The following RELN variants were observed in gnomAD, a reference collection of about 807,000 sequenced individuals.
The protein encoded by RELN is reelin.
In RELN, 108 loss-of-function variants were observed where a neutral mutation model predicts 427.6. The observed-to-expected ratio is 0.25, with a 90% CI of 0.22 to 0.30. The LOEUF (loss-of-function observed/expected upper bound fraction) is 0.30, where lower values mean the gene tolerates loss of function less well. RELN is among the 10% of genes least tolerant of loss of function. The pLI is 1.00. For synonymous variants in RELN, 1,524 were observed against 1,513.4 expected (o/e 1.01, Z -0.16); for missense variants, 3,715 against 4,302.8 (o/e 0.86, Z 3.82).
chr7:103,510,233 C>G (rs186499932), intron 51 of RELN, among the ~76,000 whole-genome samples: 2 of 152,296 alleles, frequency 1.3e-5, no homozygotes, highest in East Asian at 3.9e-4. Context: ...AGACTTGGAA[C>G]CAACCAAATG....
At chr7:103,591,870 A>C (rs771561734) in intron 27 of RELN, among the ~76,000 whole-genome samples, 6 of 152,180 alleles carry the variant, frequency 3.9e-5, no homozygotes, top group Non-Finnish European at 7.3e-5. Flanking sequence ...TACCTTCAAC[A>C]AATATTTATT....
chr7:103,845,016 C>G (rs1407649426), intron 2 of RELN, among the ~76,000 whole-genome samples: 1 of 152,152 alleles, frequency 6.6e-6, no homozygotes, highest in East Asian at 1.9e-4. Context: ...GAAACAGGAT[C>G]TGATTATTTT....
intron 2 of RELN, among the ~76,000 whole-genome samples, chr7:103,900,147 A>G (rs1258822970): frequency 6.6e-6 from 1 of 152,114 alleles, no homozygotes; most frequent in African/African-American, 2.4e-5. Context: ...ATTTCTATAA[A>G]CCAATAACAC....
chr7:103,672,462 C>T (rs1445494746), intron 11 of RELN, among the ~76,000 whole-genome samples: 1 of 152,134 alleles, frequency 6.6e-6, no homozygotes, highest in African/African-American at 2.4e-5. Flanking sequence ...TGAAAAATTA[C>T]TGTTTTTATT....
intron 28 of RELN, among the ~76,000 whole-genome samples, chr7:103,582,729 A>T (rs1831181653): frequency 1.3e-5 from 2 of 152,204 alleles, no homozygotes; most frequent in African/African-American, 4.8e-5. Context: ...GTGATAAATT[A>T]GGTGAAAGAT....
chr7:103,768,243 C>A (rs1399563675), intron 4 of RELN, among the ~76,000 whole-genome samples: 1 of 152,068 alleles, frequency 6.6e-6, no homozygotes, highest in African/African-American at 2.4e-5. Flanking sequence ...GTATACAGCC[C>A]AGCCAACCCC....
intron 3 of RELN, among the ~76,000 whole-genome samples, chr7:103,811,479 G>T (rs1390644111): frequency 2.6e-5 from 4 of 152,132 alleles, no homozygotes; most frequent in Non-Finnish European, 2.9e-5. Flanking sequence ...AAAAACTACA[G>T]TTGCAGAGCC....
At chr7:103,572,143 C>A (rs1562898395) in intron 31 of RELN, 41 bp downstream of exon 31, 1 of 1,155,558 alleles carries the variant, frequency 8.7e-7, no homozygotes, top group South Asian at 1.2e-5. Context: ...GACTAATCTG[C>A]CAATAGTAAC....
intron 11 of RELN, among the ~76,000 whole-genome samples, chr7:103,664,816 CTT>C (rs1407831980): frequency 6.6e-6 from 1 of 151,982 alleles, no homozygotes; most frequent in Non-Finnish European, 1.5e-5. Context: ...TAGGATCACT[CTT>C]TTCTTTCTCT....
chr7:103,780,327 A>G (rs1375363970), intron 3 of RELN, among the ~76,000 whole-genome samples: 1 of 152,210 alleles, frequency 6.6e-6, no homozygotes. Context: ...GTCTTCACCT[A>G]GTACATAGTA....
chr7:103,682,294 T>C (rs1833671511), intron 10 of RELN, 33 bp from the exon 11 acceptor site: 1 of 1,612,618 alleles, frequency 6.2e-7, no homozygotes, highest in Non-Finnish European at 8.5e-7. Context: ...GGGTGGCTGT[T>C]GAATTGGTGT....
chr7:103,545,469 A>T, intron 41 of RELN, 125 bp from the exon 42 acceptor site: 4 of 724,302 alleles, frequency 5.5e-6, no homozygotes, highest in Non-Finnish European at 9.7e-6. Flanking sequence ...AATAGAAAAC[A>T]TTTGCCATTT....
chr7:103,694,785 G>A (rs981931431), intron 10 of RELN, among the ~76,000 whole-genome samples: 2 of 151,456 alleles, frequency 1.3e-5, no homozygotes, highest in Non-Finnish European at 2.9e-5. Context: ...TCAGCCTCTG[G>A]AGTAGCTGGG....
chr7:103,799,369 C>T (rs73415052), intron 3 of RELN, among the ~76,000 whole-genome samples: 1,848 of 152,242 alleles, frequency 0.012, 32 homozygotes, highest in African/African-American at 0.042. Flanking sequence ...CAAAGTGATA[C>T]TGCTCAAAAA....
chr7:103,979,217 G>A (rs76762131), intron 1 of RELN, among the ~76,000 whole-genome samples: 1,987 of 152,220 alleles, frequency 0.013, 57 homozygotes, highest in African/African-American at 0.046. Context: ...AGGGGTCAGC[G>A]GATCTTGGTT....
chr7:103,591,443 C>T (rs1285761058), intron 27 of RELN, among the ~76,000 whole-genome samples: 1 of 152,114 alleles, frequency 6.6e-6, no homozygotes, highest in African/African-American at 2.4e-5. Flanking sequence ...TTCTTTATTT[C>T]CATACTCACA....
intron 3 of RELN, among the ~76,000 whole-genome samples, chr7:103,808,471 G>A (rs993124612): frequency 1.3e-5 from 2 of 151,848 alleles, no homozygotes; most frequent in Non-Finnish European, 2.9e-5. Flanking sequence ...GCTCCCCCTG[G>A]CATGGAACTT....
intron 36 of RELN, among the ~76,000 whole-genome samples, chr7:103,561,251 T>G (rs112957640): frequency 1.3e-5 from 2 of 152,182 alleles, no homozygotes; most frequent in East Asian, 3.8e-4. Context: ...CTATGGAAAT[T>G]TACATTCTAA....
intron 63 of RELN, chr7:103,478,638 T>A (rs1828121540): frequency 2.4e-6 from 1 of 425,410 alleles, no homozygotes; most frequent in East Asian, 3.9e-5. Flanking sequence ...TATGTTAAGG[T>A]ACATGTAGCT....
Sources: gnomAD v4.1 joint callset for allele counts (sites outside exome capture counted in the v4.1 genomes callset) on GRCh38, gnomAD v4.1.1 for gene constraint, MANE v1.5 for transcripts, NCBI Gene and HGNC (gene_info 2026-07-23, HGNC 2026-07-21) for gene names.